Variants in SRRM3 observed in about 807,000 individuals in gnomAD.
SRRM3 encodes the protein serine/arginine repetitive matrix 3, also known as serine/arginine repetitive matrix protein 3.
Under a neutral mutation model 66.2 loss-of-function variants are expected in SRRM3, and 27 were observed. The observed-to-expected ratio is 0.41, with a 90% CI of 0.30 to 0.56. The LOEUF is 0.56. Ranked by LOEUF, SRRM3 falls within the 20% of genes least tolerant of loss-of-function variation. The pLI is 0.32. For missense variants in SRRM3, 918 were observed against 991.9 expected, an observed-to-expected ratio of 0.93 and a Z score of 1.00; for synonymous variants, 391 against 414.9, an observed-to-expected ratio of 0.94 and a Z score of 0.70.
intron 1 of SRRM3, among the ~76,000 whole-genome samples, chr7:76,228,957 G>A (rs1685443048): frequency 6.7e-6 from 1 of 148,796 alleles, no homozygotes; most frequent in Admixed American, 6.8e-5. Flanking sequence ...GGAGTGCAGT[G>A]GCATGATCTC....
chr7:76,223,530 C>A lies in SRRM3; in HGVS notation c.-39-11498C>A, dbSNP rs79207135. ...AAAGTATCTTGACAAACGATTGTTG[C>A]ACACACTTATTTTTAACAAGACCCA... On this transcript the variant is annotated intron_variant, in intron 1 of 14. Transcript: ENST00000611745. 6.5e-3 allele frequency among the ~76,000 whole-genome samples: 991 copies of A among 152,282 alleles called. 7 individuals are homozygous for A. The highest frequency in any genetic ancestry group is 0.023 in the African/African-American group (947 of 41,548).
chr7:76,218,282 A>G (rs1261111773), intron 1 of SRRM3, among the ~76,000 whole-genome samples: 2 of 152,154 alleles, frequency 1.3e-5, no homozygotes, highest in Non-Finnish European at 2.9e-5. Flanking sequence ...CTCTCCCTCC[A>G]TATCTCCACC....
chr7:76,261,980 G>A (rs561760788), intron 8 of SRRM3, among the ~76,000 whole-genome samples: 1 of 151,938 alleles, frequency 6.6e-6, no homozygotes, highest in East Asian at 1.9e-4. Flanking sequence ...GCAGGGTCGG[G>A]GAGCTGTGGC....
intron 2 of SRRM3, among the ~76,000 whole-genome samples, chr7:76,240,477 G>A (rs900070224): frequency 1.3e-5 from 2 of 151,514 alleles, no homozygotes; most frequent in African/African-American, 2.4e-5. Context: ...AAAATTAGCC[G>A]GGTGTGGTGG....
chr7:76,284,238 A>C (rs1343371218), intron 14 of SRRM3, among the ~76,000 whole-genome samples: 1 of 150,526 alleles, frequency 6.6e-6, no homozygotes, highest in Non-Finnish European at 1.5e-5. Context: ...GCAATGGTGC[A>C]ATCTCGGCTC....
rs1189903873 is a variant in SRRM3, at chr7:76,285,362, C to G, written c.1734-253C>G. The G allele has an allele frequency of 1.7e-5, 9 of 521,250 alleles. No individual in the cohort carries two copies. The highest frequency in any genetic ancestry group is 3.1e-5 in the Non-Finnish European group (9 of 292,006). 32.3% of individuals were successfully genotyped at this position (521,250 alleles called of 1,614,324 possible). On this transcript the variant is annotated intron_variant, in intron 14 of 14. Coordinates refer to ENST00000611745, the MANE Select transcript of SRRM3 (RefSeq NM_001110199.3). This position sits in a 1 kb window ranked among gnomAD's most constrained non-coding sequence, Gnocchi z 4.1. ...TACAGGCGTGAGCCACCGCGCCCAG[C>G]CTCAACAAGTATTTATTAGCAGGTG...
chr7:76,264,677 A>G (rs1801964445), intron 8 of SRRM3, 88 bp from the exon 9 acceptor site: 1 of 1,392,990 alleles, frequency 7.2e-7, no homozygotes, highest in Non-Finnish European at 1.0e-6. Flanking sequence ...CAAATCTCAG[A>G]TCCACACCTG....
chr7:76,229,823 A>C (rs1800969085), intron 1 of SRRM3, among the ~76,000 whole-genome samples: 1 of 147,442 alleles, frequency 6.8e-6, no homozygotes, highest in Non-Finnish European at 1.5e-5. Context: ...GGCTCACTGC[A>C]ATCTCTGCCT....
At chr7:76,241,454 C>A (rs1222481345) in intron 2 of SRRM3, among the ~76,000 whole-genome samples, 2 of 152,186 alleles carry the variant, frequency 1.3e-5, no homozygotes, top group African/African-American at 4.8e-5. Flanking sequence ...TACACTCTGT[C>A]CCCACTGCTC....
At chr7:76,254,981 C>T (rs1052503968) in intron 3 of SRRM3, among the ~76,000 whole-genome samples, 1 of 151,816 alleles carries the variant, frequency 6.6e-6, no homozygotes, top group Admixed American at 6.6e-5. Context: ...CTCTGTCACC[C>T]CAGAAAAACC....
intron 2 of SRRM3, among the ~76,000 whole-genome samples, chr7:76,246,433 A>G (rs1801442259): frequency 6.6e-6 from 1 of 152,106 alleles, no homozygotes; most frequent in Non-Finnish European, 1.5e-5. Context: ...GCATGGTGGC[A>G]GGCTCCTGTA....
At position 76,259,922 on chromosome 7, in the gene SRRM3, C is replaced by T; in HGVS notation, c.352C>T (p.Arg118Trp). ...CGCCGGCAGTGTGGCGGAGACCCCG[C>T]GGCTGACCGAGGGCGCTGAGCCGGG... The part of the protein sequence containing the change: ...PGGHIVAETP[R>W]LTEGAEPGLE... The change falls in exon 4 of 15, where the codon CGG becomes TGG. Residue 118 changes from arginine (R) to tryptophan (W), a missense_variant. Coordinates refer to ENST00000611745, the MANE Select transcript of SRRM3 (RefSeq NM_001110199.3). The T allele has an allele frequency of 6.2e-7, 1 of 1,601,736 alleles. No homozygotes were observed. The highest frequency in any genetic ancestry group is 1.3e-5 in the African/African-American group (1 of 75,000).
chr7:76,220,538 C>A (rs542134105), intron 1 of SRRM3, among the ~76,000 whole-genome samples: 47 of 152,274 alleles, frequency 3.1e-4, no homozygotes, highest in Non-Finnish European at 5.7e-4. Flanking sequence ...TCACCGGCCC[C>A]GGACACCCCA....
In SRRM3 at chr7:76,285,356, G is replaced by A. The variant is rs782554363; in HGVS notation, c.1734-259G>A. Reference sequence around the variant, plus strand: ...TGGGATTACAGGCGTGAGCCACCGCGCCCAGCCTCAACAAGTATTTATTAG... The same window carrying A: ...TGGGATTACAGGCGTGAGCCACCGCACCCAGCCTCAACAAGTATTTATTAG... On this transcript the variant is annotated intron_variant, in intron 14 of 14. Coordinates refer to ENST00000611745, the MANE Select transcript of SRRM3 (RefSeq NM_001110199.3). This position sits in a 1 kb window ranked among gnomAD's most constrained non-coding sequence, Gnocchi z 4.1. 2.1e-4 allele frequency: 107 copies of A among 500,890 alleles called. No individual in the cohort carries two copies. The highest frequency in any genetic ancestry group is 3.5e-4 in the Admixed American group (10 of 28,686). 31.0% of individuals were successfully genotyped at this position (500,890 alleles called of 1,614,324 possible).
intron 11 of SRRM3, among the ~76,000 whole-genome samples, chr7:76,279,481 C>G (rs1371870948): frequency 6.7e-6 from 1 of 149,774 alleles, no homozygotes; most frequent in Non-Finnish European, 1.5e-5. Flanking sequence ...CGGGGAGGAA[C>G]AGACCTACAA....
intron 11 of SRRM3, chr7:76,267,657 C>T (rs1583929711): frequency 4.9e-6 from 2 of 410,730 alleles, no homozygotes; most frequent in African/African-American, 2.1e-5. Flanking sequence ...GGGTGAGGGG[C>T]GCCTGCGGTC....
intron 2 of SRRM3, among the ~76,000 whole-genome samples, chr7:76,247,288 C>A (rs1300325375): frequency 2.0e-5 from 3 of 152,060 alleles, no homozygotes; most frequent in Admixed American, 2.0e-4. Context: ...ATATCAGCCA[C>A]CCCCTACCCC....
intron 8 of SRRM3, 105 bp downstream of exon 8, chr7:76,261,686 C>CTTCA (rs1430906984): frequency 2.5e-5 from 32 of 1,278,530 alleles, no homozygotes; most frequent in Non-Finnish European, 3.3e-5. Flanking sequence ...GGGCTCCATC[C>CTTCA]TTCAGCTCCA....
At chr7:76,213,474 C>T (rs11971220) in intron 1 of SRRM3, among the ~76,000 whole-genome samples, 25,538 of 152,034 alleles carry the variant, frequency 0.17, 2,420 homozygotes, top group East Asian at 0.3. Flanking sequence ...TAACATCGCC[C>T]AGCTAAGAAG....
Sources: allele counts gnomAD v4.1 joint callset (sites outside exome capture counted in the v4.1 genomes callset), GRCh38; gene constraint gnomAD v4.1.1; non-coding constraint Gnocchi (gnomAD v3.1); transcripts MANE v1.5; gene names NCBI Gene and HGNC (gene_info 2026-07-23, HGNC 2026-07-21).